The following WAC variants were observed in gnomAD, a reference collection of about 807,000 sequenced individuals.
WAC encodes the protein WW domain containing adaptor with coiled-coil, also known as WW domain-containing adapter protein with coiled-coil.
In WAC, 11 loss-of-function variants were observed where a neutral mutation model predicts 79.6. The ratio of observed to expected loss-of-function variants is 0.14; its 90% CI spans 0.09 to 0.23. The LOEUF (loss-of-function observed/expected upper bound fraction) is 0.23. Ranked by LOEUF, WAC falls within the 10% of genes least tolerant of loss-of-function variation. WAC has a pLI of 1.00. For missense variants in WAC, 728 were observed against 773.5 expected (o/e 0.94, Z 0.70); for synonymous variants, 304 against 276.9 (o/e 1.10, Z -0.97).
intron 10 of WAC, 109 bp downstream of exon 10, chr10:28,612,031 G>A: frequency 3.7e-6 from 5 of 1,342,224 alleles, no homozygotes; most frequent in Non-Finnish European, 5.1e-6. Flanking sequence ...AGGTGTAGTG[G>A]TGGAATGAAT....
intron 3 of WAC, among the ~76,000 whole-genome samples, chr10:28,546,118 T>C (rs1031129512): frequency 1.3e-5 from 2 of 152,228 alleles, no homozygotes; most frequent in African/African-American, 2.4e-5. Flanking sequence ...GTGTAGGCTT[T>C]AATTACTTCT....
chr10:28,571,980 C>T (rs1331089499), intron 3 of WAC, among the ~76,000 whole-genome samples: 2 of 152,124 alleles, frequency 1.3e-5, no homozygotes, highest in African/African-American at 4.8e-5. Context: ...GCTTTCCTCC[C>T]TTAGAATAAC....
intron 7 of WAC, among the ~76,000 whole-genome samples, chr10:28,605,103 T>C (rs888266901): frequency 1.3e-5 from 2 of 152,240 alleles, no homozygotes; most frequent in African/African-American, 4.8e-5. Context: ...AAAGTGTAAA[T>C]ATAGCATGCT....
At chr10:28,604,238 GTT>G (rs60432336) in intron 7 of WAC, among the ~76,000 whole-genome samples, 2 of 136,518 alleles carry the variant, frequency 1.5e-5, no homozygotes, top group African/African-American at 2.7e-5. Flanking sequence ...ATTATCAGGT[GTT>G]TTTTTTTTTT....
At chr10:28,595,015 T>C (rs965427990) in intron 6 of WAC, among the ~76,000 whole-genome samples, 2 of 152,220 alleles carry the variant, frequency 1.3e-5, no homozygotes, top group East Asian at 3.8e-4. Context: ...GATTTGTTTT[T>C]AATACACCTA....
chr10:28,603,944 T>A (rs373306256), intron 7 of WAC, among the ~76,000 whole-genome samples: 57,480 of 77,994 alleles, frequency 0.74, 20,531 homozygotes, highest in East Asian at 0.81. Context: ...AAAAAAAAAA[T>A]ATATATATGT....
At chr10:28,556,234 T>G (rs1837977861) in intron 3 of WAC, among the ~76,000 whole-genome samples, 1 of 152,054 alleles carries the variant, frequency 6.6e-6, no homozygotes. Context: ...AACCTCTTGT[T>G]TTTTCCATAA....
At chr10:28,593,677 C>T (rs1351211157) in intron 6 of WAC, among the ~76,000 whole-genome samples, 1 of 149,114 alleles carries the variant, frequency 6.7e-6, no homozygotes, top group Non-Finnish European at 1.5e-5. Flanking sequence ...CTGAGGCAGG[C>T]AGAGGTTTCA....
intron 3 of WAC, 101 bp from the exon 4 acceptor site, chr10:28,583,298 G>A (rs756881389): frequency 1.2e-5 from 10 of 821,644 alleles, no homozygotes; most frequent in African/African-American, 1.1e-4. Flanking sequence ...TAAGATGTTC[G>A]TTTAGAGATA....
intron 7 of WAC, among the ~76,000 whole-genome samples, chr10:28,601,900 G>A (rs1840665752): frequency 6.6e-6 from 1 of 152,168 alleles, no homozygotes; most frequent in South Asian, 2.1e-4. Flanking sequence ...GGTGGTGTCC[G>A]GGGTGGGAGT....
At chr10:28,558,785 A>G (rs1395555215) in intron 3 of WAC, among the ~76,000 whole-genome samples, 2 of 152,198 alleles carry the variant, frequency 1.3e-5, no homozygotes, top group African/African-American at 2.4e-5. Flanking sequence ...GTCCTGTGGT[A>G]AAGATAAGTT....
intron 6 of WAC, 96 bp from the exon 7 acceptor site, chr10:28,595,637 T>C (rs1447122053): frequency 8.1e-7 from 1 of 1,230,520 alleles, no homozygotes; most frequent in Non-Finnish European, 1.1e-6. Flanking sequence ...AGTATGTTGC[T>C]AAATTAGCTG....
intron 3 of WAC, among the ~76,000 whole-genome samples, chr10:28,545,682 C>T (rs2132384237): frequency 6.6e-6 from 1 of 152,246 alleles, no homozygotes. Flanking sequence ...TTAAAGAATT[C>T]TCTATCATCT....
intron 8 of WAC, among the ~76,000 whole-genome samples, chr10:28,609,548 C>G (rs1236788515): frequency 2.6e-5 from 4 of 152,152 alleles, no homozygotes; most frequent in Non-Finnish European, 5.9e-5. Flanking sequence ...ACGCAGTTCT[C>G]TTGTGTGGTA....
chr10:28,596,189 G>A, intron 7 of WAC, 148 bp downstream of exon 7: 1 of 828,110 alleles, frequency 1.2e-6, no homozygotes, highest in South Asian at 2.2e-5. Flanking sequence ...GTTAGGTGTA[G>A]AGTTAGCAAT....
At chr10:28,538,667 G>A (rs1428026294) in intron 3 of WAC, among the ~76,000 whole-genome samples, 1 of 150,506 alleles carries the variant, frequency 6.6e-6, no homozygotes, top group African/African-American at 2.4e-5. Flanking sequence ...AGATGGGAAG[G>A]TCCTTTGAAG....
At chr10:28,619,320 C>T (rs1487630382) in intron 13 of WAC, among the ~76,000 whole-genome samples, 1 of 152,146 alleles carries the variant, frequency 6.6e-6, no homozygotes, top group East Asian at 1.9e-4. Context: ...AAAACTAAAA[C>T]ATCCTTTCAT....
intron 3 of WAC, among the ~76,000 whole-genome samples, chr10:28,544,397 G>C (rs1820814556): frequency 6.6e-6 from 1 of 152,164 alleles, no homozygotes; most frequent in South Asian, 2.1e-4. Flanking sequence ...TTTTGGTTCA[G>C]GCACTCGCTA....
chr10:28,606,827 G>A (rs1047025476), intron 7 of WAC, among the ~76,000 whole-genome samples: 2 of 152,144 alleles, frequency 1.3e-5, no homozygotes, highest in African/African-American at 4.8e-5. Flanking sequence ...TGTAGTGTTC[G>A]TATCTTCAAC....
Sources: gnomAD v4.1 joint callset for allele counts (sites outside exome capture counted in the v4.1 genomes callset) on GRCh38, gnomAD v4.1.1 for gene constraint, MANE v1.5 for transcripts, NCBI Gene and HGNC (gene_info 2026-07-23, HGNC 2026-07-21) for gene names.